Variants in FGFR3 observed in about 807,000 individuals in gnomAD.
FGFR3 encodes the protein FGFR-3.
FGFR3 carries 25 observed loss-of-function variants against 82.9 expected under a neutral mutation model. The observed-to-expected ratio is 0.30, with a 90% confidence interval of 0.22 to 0.42. The LOEUF is 0.42. Among genes scored for constraint, FGFR3 ranks in the 10% least tolerant of loss-of-function variants. The pLI is 1.00. For synonymous variants in FGFR3, 620 were observed against 516.0 expected (o/e 1.20, Z -2.73); for missense variants, 1,026 against 1,161.0 (o/e 0.88, Z 1.69).
At position 1,803,741 on chromosome 4, in the gene FGFR3, A is replaced by T; in HGVS notation, c.980A>T (p.His327Leu). 6.2e-7 allele frequency: 1 copy of T among 1,614,016 alleles called. No individual in the cohort carries two copies. Among genetic ancestry groups the T allele is most frequent in the Non-Finnish European group, 8.5e-7 (1 of 1,180,020 alleles). Residue 327 changes from histidine (H) to leucine (L), a missense_variant, in exon 8 of 18, where the codon CAC (histidine) becomes CTC (leucine). By Grantham distance (99) the His-to-Leu change is moderately conservative. Around this residue, in one of 9 missense-constraint regions of FGFR3, gnomAD observed 256 missense variants for 217.6 expected, o/e 1.18. Coordinates refer to ENST00000440486, the MANE Select transcript of FGFR3 (RefSeq NM_000142.5). ...AAGGAGCTAGAGGTTCTCTCCTTGC[A>T]CAACGTCACCTTTGAGGACGCCGGG... is the stretch of plus-strand genomic sequence containing the variant. ...TDKELEVLSL[H>L]NVTFEDAGEY...
chr4:1,803,087 G>A (rs765404091), intron 7 of FGFR3: 7 of 1,541,918 alleles, frequency 4.5e-6, no homozygotes, highest in African/African-American at 4.2e-5. Flanking sequence ...TCCCATGCCG[G>A]CCGGCACAAG....
intron 5 of FGFR3, 27 bp from the exon 6 acceptor site, chr4:1,801,593 C>T (rs1317324713): frequency 6.3e-7 from 1 of 1,595,870 alleles, no homozygotes; most frequent in African/African-American, 1.3e-5. Context: ...TGCCTCCGCT[C>T]ACTCACCCGC....
At chr4:1,799,930 C>A in intron 4 of FGFR3, 118 bp downstream of exon 4, 1 of 1,153,566 alleles carries the variant, frequency 8.7e-7, no homozygotes, top group Non-Finnish European at 1.2e-6. Flanking sequence ...CTGGGGTCAC[C>A]CCGAAGGTCT....
Position 1,805,837 on chromosome 4 carries a change from C to T in FGFR3, c.1733C>T (p.Ser578Phe), listed in dbSNP as rs989826317. The change falls in exon 13 of 18, where the codon TCC becomes TTC. Residue 578 changes from serine (S) to phenylalanine (F), a missense_variant. Around this residue, in one of 9 missense-constraint regions of FGFR3, gnomAD observed 164 missense variants for 167.5 expected, o/e 0.98. Coordinates refer to ENST00000440486, the MANE Select transcript of FGFR3 (RefSeq NM_000142.5). ...RARRPPGLDY[S>F]FDTCKPPEEQ... ...CGGCGGCCCCCGGGCCTGGACTACT[C>T]CTTCGACACCTGCAAGCCGCCCGAG... 49 of 1,612,420 alleles carry T rather than the reference C, an allele frequency of 3.0e-5. No individual in the cohort carries two copies. Among genetic ancestry groups the T allele is most frequent in the African/African-American group, 4.0e-5 (3 of 74,904 alleles).
At chr4:1,803,971 T>A in intron 8 of FGFR3, 135 bp downstream of exon 8, 1 of 1,078,458 alleles carries the variant, frequency 9.3e-7, no homozygotes. Context: ...CTCCTGGCCC[T>A]GTGCCCAGTG....
Position 1,807,784 on chromosome 4 carries a change from C to G in FGFR3, c.*522C>G, listed in dbSNP as rs3135903. ...GGCTTTCCCACTTCCCACCCTGCCC[C>G]TCAGAGACTGAAATTACGGGTACCT... is the stretch of plus-strand genomic sequence containing the variant. On this transcript the variant is annotated 3_prime_UTR_variant, in exon 18 of 18. Coordinates refer to ENST00000440486, the MANE Select transcript of FGFR3 (RefSeq NM_000142.5). 9.1e-5 allele frequency: 48 copies of G among 528,232 alleles called. No individual in the cohort carries two copies. Among genetic ancestry groups the G allele is most frequent in the Non-Finnish European group, 1.6e-4 (44 of 273,914 alleles). The allele number at this position is 528,232 out of a possible 1,614,324, so 32.7% of individuals were successfully genotyped here. A position where few individuals can be genotyped will look rare whatever the true frequency, so the allele number is the denominator to read the frequency against.
chr4:1,797,241 C>T (rs914942849), intron 2 of FGFR3, among the ~76,000 whole-genome samples: 3 of 152,136 alleles, frequency 2.0e-5, no homozygotes, highest in Admixed American at 6.5e-5. Context: ...TATGGGGGCT[C>T]CACCCAACTG....
chr4:1,802,918 G>A, intron 7 of FGFR3: 1 of 1,595,544 alleles, frequency 6.3e-7, no homozygotes, highest in Non-Finnish European at 8.5e-7. Context: ...CCGCAGTCCT[G>A]GATCAGTGAG....
At chr4:1,799,997 C>G (rs1003486130) in intron 4 of FGFR3, among the ~76,000 whole-genome samples, 185 bp downstream of exon 4, 2 of 152,144 alleles carry the variant, frequency 1.3e-5, no homozygotes, top group African/African-American at 4.8e-5. Context: ...GATGCCCCAC[C>G]CTGGTGGCAG....
At chr4:1,802,055 C>A in intron 7 of FGFR3, 30 bp downstream of exon 7, 1 of 1,597,596 alleles carries the variant, frequency 6.3e-7, no homozygotes, top group East Asian at 2.3e-5. Flanking sequence ...TGGGTGCCGC[C>A]GCTGGGGCTC....
chr4:1,805,691 G>T (rs780232471), intron 12 of FGFR3, 22 bp downstream of exon 12: 7 of 1,611,184 alleles, frequency 4.3e-6, no homozygotes, highest in Non-Finnish European at 5.9e-6. Flanking sequence ...AGCGGCGGTG[G>T]TGCCGGCTGG....
chr4:1,799,603 T>TG, intron 3 of FGFR3, 80 bp downstream of exon 3: 6 of 1,549,830 alleles, frequency 3.9e-6, no homozygotes, highest in Non-Finnish European at 5.2e-6. Flanking sequence ...CAGGAGCGGC[T>TG]GGGGGTCTCT....
chr4:1,798,921 G>A (rs909427915), intron 2 of FGFR3, among the ~76,000 whole-genome samples: 1 of 152,204 alleles, frequency 6.6e-6, no homozygotes, highest in African/African-American at 2.4e-5. Flanking sequence ...AAAGAACGAA[G>A]AGTCACATTT....
chr4:1,799,239 C>G lies in FGFR3; in HGVS notation c.110-15C>G, dbSNP rs1720892237. On this transcript the variant is annotated splice_polypyrimidine_tract_variant and intron_variant, in intron 2 of 17. Transcript: ENST00000440486. Reference sequence around the variant, plus strand: ...TTGGGGGTGCCTGCCTCATGGTTGCCCATCTTCCCCACAGAAGTCCCGGGC... The same window carrying G: ...TTGGGGGTGCCTGCCTCATGGTTGCGCATCTTCCCCACAGAAGTCCCGGGC... 2 of 1,612,074 alleles carry G rather than the reference C, an allele frequency of 1.2e-6. No individual in the cohort carries two copies. Among genetic ancestry groups the G allele is most frequent in the Admixed American group, 1.7e-5 (1 of 60,030 alleles).
intron 10 of FGFR3, 100 bp downstream of exon 10, chr4:1,805,069 G>A: frequency 7.0e-7 from 1 of 1,436,506 alleles, no homozygotes; most frequent in Non-Finnish European, 9.3e-7. Flanking sequence ...GGCCGTCAGG[G>A]ATGTGGCGGA....
chr4:1,805,708 C>G (rs1252849033), intron 12 of FGFR3, 39 bp downstream of exon 12: 1 of 1,611,322 alleles, frequency 6.2e-7, no homozygotes, highest in Non-Finnish European at 8.5e-7. Flanking sequence ...CTGGGCGGCC[C>G]TCCTGGGCCT....
rs1269918259 is a variant in FGFR3 at position 1,801,513 on chromosome 4, G to A, written c.592G>A (p.Glu198Lys). 7 of 1,566,068 alleles carry A rather than the reference G, an allele frequency of 4.5e-6. No homozygotes were observed. Among genetic ancestry groups the A allele is most frequent in the Non-Finnish European group, 6.1e-6 (7 of 1,156,248 alleles). The change falls in exon 5 of 18, where the codon GAG becomes AAG. Residue 198 changes from glutamate to lysine, a missense_variant. By Grantham distance (56) the Glu-to-Lys change is moderately conservative. This residue lies in a region of FGFR3 where 147 missense variants were observed against 228.1 expected (regional missense o/e 0.64). Coordinates refer to ENST00000440486, the MANE Select transcript of FGFR3 (RefSeq NM_000142.5). ...GAAGAACGGCAGGGAGTTCCGCGGC[G>A]AGCACCGCATTGGAGGCATCAAGGT... ...WLKNGREFRGEHRIGGIKLRH... is the reference protein window; with the variant it reads ...WLKNGREFRGKHRIGGIKLRH...
Position 1,804,353 on chromosome 4 carries a change from G to T in FGFR3, c.1099G>T (p.Asp367Tyr), listed in dbSNP as rs1444200455. The T allele has an allele frequency of 3.7e-6, 6 of 1,610,810 alleles. No homozygotes were observed. The highest frequency in any genetic ancestry group is 5.1e-6 in the Non-Finnish European group (6 of 1,178,738). ...AGCCGAGGAGGAGCTGGTGGAGGCT[G>T]ACGAGGCGGGCAGTGTGTATGCAGG... ...LPAEEELVEA[D>Y]EAGSVYAGIL... Residue 367 changes from aspartate (D) to tyrosine (Y), a missense_variant, in exon 9 of 18, where the codon GAC becomes TAC. Physicochemically the swap from Asp to Tyr is radical, Grantham distance 160. Coordinates refer to ENST00000440486, the MANE Select transcript of FGFR3 (RefSeq NM_000142.5).
intron 9 of FGFR3, 33 bp downstream of exon 9, chr4:1,804,553 C>T (rs755348113): frequency 6.2e-6 from 10 of 1,608,698 alleles, no homozygotes; most frequent in Non-Finnish European, 8.5e-6. Flanking sequence ...TTCTGAGCTG[C>T]CTGCCCGCCA....
Sources: gnomAD v4.1 joint callset for allele counts (sites outside exome capture counted in the v4.1 genomes callset) on GRCh38, gnomAD v4.1.1 for gene constraint, gnomAD v4.1.1 regional missense constraint, MANE v1.5 for transcripts, NCBI Gene and HGNC (gene_info 2026-07-23, HGNC 2026-07-21) for gene names.